MAF: variants seen among roughly 807,000 people sequenced by gnomAD.
The protein encoded by MAF is MAF bZIP transcription factor, also known as transcription factor Maf.
A neutral mutation model predicts 22.0 loss-of-function variants in MAF; 10 were observed. The observed-to-expected ratio is 0.45, with a 90% confidence interval of 0.28 to 0.77. MAF has a LOEUF of 0.77. Ranked by LOEUF, MAF falls within the 30% of genes least tolerant of loss-of-function variation. The pLI is 0.12. For missense variants in MAF, 544 were observed against 548.4 expected (o/e 0.99, Z 0.08); for synonymous variants, 337 against 255.8 (o/e 1.32, Z -3.03).
At chr16:79,406,760 C>T in the MAF span, among the ~76,000 whole-genome samples, 879 of 152,254 alleles carry the variant, frequency 5.8e-3, 4 homozygotes, top group Middle Eastern at 0.014. Flanking sequence ...TGTTTTCAAC[C>T]GTAAAACGGA....
chr16:79,336,340 G>A, the MAF span, among the ~76,000 whole-genome samples: 1 of 152,192 alleles, frequency 6.6e-6, no homozygotes, highest in Non-Finnish European at 1.5e-5. Flanking sequence ...GCGAACCAAG[G>A]CACAGAAAGT....
chr16:79,470,726 T>C, the MAF span, among the ~76,000 whole-genome samples: 91 of 152,194 alleles, frequency 6.0e-4, no homozygotes, highest in Non-Finnish European at 9.1e-4. Context: ...GATTCCATTG[T>C]CCAACACGAT....
At chr16:79,556,379 C>T in the MAF span, among the ~76,000 whole-genome samples, 3 of 152,226 alleles carry the variant, frequency 2.0e-5, no homozygotes, top group Non-Finnish European at 2.9e-5. Flanking sequence ...TGAAAGTCCA[C>T]AGGTTTGCCA....
the MAF span, among the ~76,000 whole-genome samples, chr16:79,438,560 T>A: frequency 6.6e-6 from 1 of 152,250 alleles, no homozygotes; most frequent in South Asian, 2.1e-4. Context: ...CATTCCTCAC[T>A]TTATCTTCCC....
the MAF span, among the ~76,000 whole-genome samples, chr16:79,344,846 T>C: frequency 1.3e-5 from 2 of 152,210 alleles, no homozygotes; most frequent in African/African-American, 4.8e-5. Context: ...AAGGACCGAT[T>C]TGAAATGTAG....
chr16:79,370,803 AC>A, the MAF span, among the ~76,000 whole-genome samples: 1 of 151,702 alleles, frequency 6.6e-6, no homozygotes, highest in Non-Finnish European at 1.5e-5. Flanking sequence ...TCCCAATTTC[AC>A]CCCTGCCCCC....
rs567633285 is a variant in MAF, at chr16:79,599,880, C to T, written c.23G>A (p.Ser8Asn). The T allele has an allele frequency of 1.2e-6, 2 of 1,604,840 alleles. No individual in the cohort carries two copies. Among genetic ancestry groups the T allele is most frequent in the South Asian group, 2.2e-5 (2 of 91,056 alleles). ...GGGACTGGTGGGCAGGTCGGAGTTGCTCATTGCCAGTTCTGATGCCATTCT... is the reference window on the plus strand; with the variant it reads ...GGGACTGGTGGGCAGGTCGGAGTTGTTCATTGCCAGTTCTGATGCCATTCT... MASELAM[S>N]NSDLPTSPLA... The change falls in exon 1 of 2, where the codon AGC becomes AAC. Residue 8 changes from serine (S) to asparagine (N), a missense_variant. Transcript: ENST00000326043.
At chr16:79,544,713 C>T in the MAF span, among the ~76,000 whole-genome samples, 1 of 141,692 alleles carries the variant, frequency 7.1e-6, no homozygotes, top group African/African-American at 2.6e-5. Context: ...GCGGACCTCA[C>T]AGTAAGCTGA....
the MAF span, among the ~76,000 whole-genome samples, chr16:79,321,980 C>T: frequency 6.6e-6 from 1 of 152,050 alleles, no homozygotes; most frequent in African/African-American, 2.4e-5. Context: ...ACCTGTAGTC[C>T]CAGCACTTTG....
the MAF span, among the ~76,000 whole-genome samples, chr16:79,302,667 A>T: frequency 6.6e-6 from 1 of 152,244 alleles, no homozygotes; most frequent in Non-Finnish European, 1.5e-5. Flanking sequence ...AAACAGCACA[A>T]ATCCCCCTGC....
chr16:79,303,469 A>G, the MAF span, among the ~76,000 whole-genome samples: 4 of 152,158 alleles, frequency 2.6e-5, no homozygotes, highest in African/African-American at 7.2e-5. Flanking sequence ...TTCTTCAAGA[A>G]TGATCCCTGC....
chr16:79,356,865 A>T, the MAF span, among the ~76,000 whole-genome samples: 9 of 152,204 alleles, frequency 5.9e-5, no homozygotes, highest in Admixed American at 5.2e-4. Flanking sequence ...ATGAAAAATT[A>T]TATTTGACAA....
chr16:79,498,935 G>C, the MAF span, among the ~76,000 whole-genome samples: 3 of 152,164 alleles, frequency 2.0e-5, no homozygotes, highest in Non-Finnish European at 2.9e-5. Flanking sequence ...TAGTGGGCAA[G>C]GCAGATGTGT....
chr16:79,247,392 TCTC>T, the MAF span, among the ~76,000 whole-genome samples: 3 of 152,298 alleles, frequency 2.0e-5, no homozygotes, highest in South Asian at 4.1e-4. Context: ...ATACGTAACT[TCTC>T]CTTGCCGATG....
At chr16:79,446,787 T>C in the MAF span, among the ~76,000 whole-genome samples, 1 of 152,004 alleles carries the variant, frequency 6.6e-6, no homozygotes, top group Admixed American at 6.6e-5. Context: ...TAAGCACCTC[T>C]AGTCCCAGCT....
At chr16:79,536,523 T>C in the MAF span, among the ~76,000 whole-genome samples, 9 of 152,322 alleles carry the variant, frequency 5.9e-5, no homozygotes, top group South Asian at 1.9e-3. Context: ...ACACCTGTAG[T>C]CTCAGCTACT....
At chr16:79,413,344 G>A in the MAF span, among the ~76,000 whole-genome samples, 7 of 140,894 alleles carry the variant, frequency 5.0e-5, no homozygotes, top group Middle Eastern at 3.6e-3. Context: ...CCGGGTTCAC[G>A]CCATTCTCCT....
the MAF span, among the ~76,000 whole-genome samples, chr16:79,547,924 G>GAGAGAGAGAGAT: frequency 3.4e-4 from 50 of 148,530 alleles, no homozygotes; most frequent in East Asian, 7.7e-3. Context: ...GAGAGATAGA[G>GAGAGAGAGAGAT]AGAGAGAGAG....
At chr16:79,334,755 G>A in the MAF span, among the ~76,000 whole-genome samples, 2 of 152,070 alleles carry the variant, frequency 1.3e-5, no homozygotes, top group South Asian at 2.1e-4. Context: ...CTTTATAGGA[G>A]TAAAGTAATG....
Sources: allele counts gnomAD v4.1 joint callset (sites outside exome capture counted in the v4.1 genomes callset), GRCh38; gene constraint gnomAD v4.1.1; transcripts MANE v1.5; gene names NCBI Gene and HGNC (gene_info 2026-07-23, HGNC 2026-07-21).